PHF14: variants seen among roughly 807,000 people sequenced by gnomAD.
PHF14 encodes PHD finger protein 14.
A neutral mutation model predicts 117.9 loss-of-function variants in PHF14; 55 were observed. That is an observed-to-expected ratio of 0.47 (90% CI 0.38 to 0.58). PHF14 has a LOEUF of 0.58. Among genes scored for constraint, PHF14 ranks in the 20% least tolerant of loss-of-function variants. The pLI, the probability that PHF14 is intolerant of heterozygous loss-of-function variation, is 0.00. For synonymous variants in PHF14, 409 were observed against 368.6 expected (o/e 1.11, Z -1.26); for missense variants, 978 against 1,122.2 (o/e 0.87, Z 1.84).
chr7:10,994,938 G>C (rs920997923), intron 4 of PHF14, among the ~76,000 whole-genome samples: 1 of 152,214 alleles, frequency 6.6e-6, no homozygotes, highest in Admixed American at 6.5e-5. Flanking sequence ...GGCTGGGGCA[G>C]CTTGCTCTTA....
chr7:11,075,564 G>T (rs1426573357), intron 16 of PHF14, among the ~76,000 whole-genome samples: 10 of 110,008 alleles, frequency 9.1e-5, no homozygotes, highest in African/African-American at 3.0e-4. Flanking sequence ...AAGGAAAGAG[G>T]TTTTTTTTTT....
At chr7:11,096,836 T>C (rs1217361896) in intron 16 of PHF14, among the ~76,000 whole-genome samples, 2 of 152,158 alleles carry the variant, frequency 1.3e-5, no homozygotes, top group African/African-American at 4.8e-5. Context: ...GTTGGTGTTT[T>C]TCTGGAATTT....
rs1412540971 is a variant in PHF14, at chr7:11,062,099, TA to T, written c.2654+18del. On this transcript the variant is annotated intron_variant, in intron 16 of 17. Transcript: ENST00000634607. ...AAATCTTGTCAGGTAAGTTGGATGC[TA>T]AAACCTTGTCTTTAGGGGATGAAAG... 1 of 1,594,590 alleles carries T rather than the reference TA, an allele frequency of 6.3e-7. No homozygotes were observed. Among genetic ancestry groups the T allele is most frequent in the Non-Finnish European group, 8.5e-7 (1 of 1,171,080 alleles).
intron 17 of PHF14, among the ~76,000 whole-genome samples, chr7:11,144,498 A>T (rs1788492347): frequency 6.6e-6 from 1 of 151,062 alleles, no homozygotes; most frequent in South Asian, 2.1e-4. Context: ...CTACACCCCC[A>T]TGCTTATTGC....
chr7:11,076,926 A>G (rs1368495832), intron 16 of PHF14, among the ~76,000 whole-genome samples: 2 of 150,362 alleles, frequency 1.3e-5, no homozygotes, highest in East Asian at 1.9e-4. Context: ...TAATTCTAAG[A>G]TATGTTAGTA....
intron 16 of PHF14, among the ~76,000 whole-genome samples, chr7:11,089,067 A>T (rs150230348): frequency 5.3e-5 from 8 of 152,036 alleles, no homozygotes; most frequent in Non-Finnish European, 8.8e-5. Flanking sequence ...CATTTTGAGC[A>T]CAGACAGACA....
At position 11,062,927 on chromosome 7, in the gene PHF14, G is replaced by C. The variant is rs1004410179; in HGVS notation, c.2654+842G>C. Reference sequence around the variant, plus strand: ...TATTTCTTTAAAAAATTGTCTTCTGGTAAAGCCCTGTTAAATTAACTGAGG... The same window carrying C: ...TATTTCTTTAAAAAATTGTCTTCTGCTAAAGCCCTGTTAAATTAACTGAGG... On this transcript the variant is annotated intron_variant, in intron 16 of 17. Transcript: ENST00000634607. The C allele has an allele frequency of 1.4e-5, 14 of 978,846 alleles. No individual in the cohort carries two copies. The South Asian group carries it at 2.4e-4, about 17-fold the overall frequency. The allele number at this position is 978,846 out of a possible 1,614,324, so 60.6% of individuals were successfully genotyped here.
Position 11,040,722 on chromosome 7 carries a change from T to TA in PHF14, c.2133dup (p.Glu712ArgfsTer16). ...GAGCACCCAAGGAGAGAAAACCAAG[T>TA]AAAAAAGAAGGAGGCACACAAAAGA... On this transcript the variant is annotated frameshift_variant, in exon 12 of 18. Coordinates refer to ENST00000634607, the MANE Select transcript of PHF14 (RefSeq NM_001007157.2). LOFTEE classifies it high-confidence loss of function. 1 of 1,570,276 alleles carries TA rather than the reference T, an allele frequency of 6.4e-7. No homozygotes were observed. Among genetic ancestry groups the TA allele is most frequent in the Admixed American group, 1.9e-5 (1 of 53,834 alleles).
At chr7:11,075,601 C>T (rs1356497894) in intron 16 of PHF14, among the ~76,000 whole-genome samples, 1 of 130,214 alleles carries the variant, frequency 7.7e-6, no homozygotes, top group Non-Finnish European at 1.6e-5. Flanking sequence ...ATTATTATGC[C>T]ATTCATGAGG....
intron 14 of PHF14, among the ~76,000 whole-genome samples, chr7:11,059,817 A>T (rs75060983): frequency 0.077 from 11,768 of 152,228 alleles, 510 homozygotes; most frequent in African/African-American, 0.11. Flanking sequence ...TGCAAATTAG[A>T]TAATAGAGTA....
At chr7:11,119,708 A>G (rs1206976810) in intron 17 of PHF14, among the ~76,000 whole-genome samples, 6 of 151,904 alleles carry the variant, frequency 3.9e-5, no homozygotes, top group Non-Finnish European at 7.4e-5. Context: ...ATATTTGTTA[A>G]AAAATATTGT....
At position 11,022,729 on chromosome 7, in the gene PHF14, C is replaced by T. The variant is rs533090971; in HGVS notation, c.1206-139C>T. On this transcript the variant is annotated intron_variant, in intron 5 of 17. Coordinates refer to ENST00000634607, the MANE Select transcript of PHF14 (RefSeq NM_001007157.2). ...TGTTTCATATTTTTTAATGATGTGC[C>T]TGAGATTGCGAGATTTTAACATTTG... is the stretch of plus-strand genomic sequence containing the variant. 6.7e-5 allele frequency: 32 copies of T among 478,630 alleles called. No homozygotes were observed. The East Asian group carries it at 9.1e-4, about 14-fold the overall frequency. 29.6% of individuals were successfully genotyped at this position (478,630 alleles called of 1,614,324 possible).
chr7:10,978,152 T>A (rs1260854027), intron 2 of PHF14, among the ~76,000 whole-genome samples: 1 of 152,226 alleles, frequency 6.6e-6, no homozygotes, highest in Non-Finnish European at 1.5e-5. Context: ...TGGTATTTTG[T>A]GCTTAATCTG....
chr7:11,096,040 C>T (rs1317136810), intron 16 of PHF14, among the ~76,000 whole-genome samples: 3 of 152,070 alleles, frequency 2.0e-5, no homozygotes, highest in African/African-American at 7.2e-5. Context: ...AGATTTGTGT[C>T]TTTGTCAGAA....
chr7:11,157,157 A>G (rs910639780), intron 17 of PHF14, among the ~76,000 whole-genome samples: 7 of 152,194 alleles, frequency 4.6e-5, no homozygotes, highest in African/African-American at 1.2e-4. Flanking sequence ...GCAATAAAAC[A>G]TCTCATTCAT....
At chr7:11,136,720 A>G (rs1008323032) in intron 17 of PHF14, among the ~76,000 whole-genome samples, 11 of 152,182 alleles carry the variant, frequency 7.2e-5, no homozygotes, top group African/African-American at 2.4e-4. Context: ...AAAGGTGAAT[A>G]AACAGATGTA....
intron 13 of PHF14, among the ~76,000 whole-genome samples, chr7:11,046,645 T>TA (rs34679172): frequency 0.58 from 88,145 of 151,950 alleles, 27,277 homozygotes; most frequent in East Asian, 0.85. Flanking sequence ...ATTAAAGTTT[T>TA]TACAGGTATT....
intron 17 of PHF14, among the ~76,000 whole-genome samples, chr7:11,133,644 C>T (rs1392897457): frequency 6.6e-6 from 1 of 151,876 alleles, no homozygotes; most frequent in African/African-American, 2.4e-5. Flanking sequence ...TAGCAAGACA[C>T]TCTTTTTTCA....
chr7:10,985,692 G>C (rs1259555920), intron 3 of PHF14, among the ~76,000 whole-genome samples: 1 of 108,130 alleles, frequency 9.2e-6, no homozygotes, highest in African/African-American at 3.6e-5. Flanking sequence ...TCACTCTGTT[G>C]CCTAGGCTGG....
Sources: allele counts gnomAD v4.1 joint callset (sites outside exome capture counted in the v4.1 genomes callset), GRCh38; gene constraint gnomAD v4.1.1; transcripts MANE v1.5; gene names NCBI Gene and HGNC (gene_info 2026-07-23, HGNC 2026-07-21).